The following KIF14 variants were observed in gnomAD, a reference collection of about 807,000 sequenced individuals.
KIF14 encodes the protein kinesin-like protein KIF14.
In KIF14, 98 loss-of-function variants were observed where a neutral mutation model predicts 176.2. That is an observed-to-expected ratio of 0.56 (90% confidence interval 0.47 to 0.66). KIF14 has a LOEUF of 0.66. Ranked by LOEUF, KIF14 falls within the 30% of genes least tolerant of loss-of-function variation. The pLI is 0.00. For missense variants in KIF14, 1,751 were observed against 1,920.4 expected, an observed-to-expected ratio of 0.91 and a Z score of 1.65; for synonymous variants, 566 against 632.2, an observed-to-expected ratio of 0.90 and a Z score of 1.57.
intron 14 of KIF14, among the ~76,000 whole-genome samples, chr1:200,595,463 G>C (rs1008094443): frequency 1.3e-5 from 2 of 152,156 alleles, no homozygotes; most frequent in East Asian, 3.8e-4. Flanking sequence ...AGGAAGGTAC[G>C]AAAAATGGAA....
In KIF14 at chr1:200,603,298, A is replaced by G. The variant is rs1186991634; in HGVS notation, c.1907T>C (p.Val636Ala). The G allele has an allele frequency of 6.2e-7, 1 of 1,609,642 alleles. No homozygotes were observed. The highest frequency in any genetic ancestry group is 8.5e-7 in the Non-Finnish European group (1 of 1,176,998). Reference protein sequence around the residue: ...INKSLLTLGKVISALSEQANQ... With the variant: ...INKSLLTLGKAISALSEQANQ... Reference sequence around the variant, plus strand: ...TGCTTGTTCCGAAAGTGCAGATATAACTTTTCCCAAAGTTAGCAAGGACTT... The same window carrying G: ...TGCTTGTTCCGAAAGTGCAGATATAGCTTTTCCCAAAGTTAGCAAGGACTT... Residue 636 changes from valine to alanine, a missense_variant, in exon 10 of 30, where the codon GTT becomes GCT. Val to Ala is a moderately conservative substitution (Grantham distance 64). Coordinates refer to ENST00000367350, the MANE Select transcript of KIF14 (RefSeq NM_014875.3).
intron 21 of KIF14, 90 bp downstream of exon 21, chr1:200,580,164 A>G: frequency 4.6e-6 from 3 of 655,298 alleles, no homozygotes; most frequent in East Asian, 7.3e-5. Flanking sequence ...TCACTTTTAT[A>G]TATATACTTT....
chr1:200,583,344 G>C (rs1251278251), intron 19 of KIF14, among the ~76,000 whole-genome samples: 2 of 152,086 alleles, frequency 1.3e-5, no homozygotes, highest in Non-Finnish European at 2.9e-5. Flanking sequence ...GAGAAAGAGA[G>C]AGAGGGAGAG....
chr1:200,569,682 C>T lies in KIF14; in HGVS notation c.3661+229G>A, dbSNP rs1222497689. ...ATATTCTCATACATTTTGGAACATA[C>T]ACATCTTCCACATTTGAATTAGTTA... On this transcript the variant is annotated intron_variant, in intron 23 of 29. Coordinates refer to ENST00000367350, the MANE Select transcript of KIF14 (RefSeq NM_014875.3). Among the ~76,000 whole-genome samples the T allele has an allele frequency of 3.9e-5, 6 of 152,318 alleles. No homozygotes were observed. In the East Asian group the frequency reaches 9.6e-4, roughly 24 times the overall value.
intron 18 of KIF14, among the ~76,000 whole-genome samples, chr1:200,587,812 A>C (rs1257834119): frequency 6.6e-6 from 1 of 152,198 alleles, no homozygotes; most frequent in Non-Finnish European, 1.5e-5. Context: ...TCCGTCTCAA[A>C]ATAAAACAAA....
At position 200,616,798 on chromosome 1, in the gene KIF14, G is replaced by A. The variant is rs553366662; in HGVS notation, c.1112+814C>T. Among the ~76,000 whole-genome samples, 5 of 152,132 alleles carry A rather than the reference G, an allele frequency of 3.3e-5. No homozygotes were observed. The East Asian group carries it at 9.7e-4, about 29-fold the overall frequency. ...TCTTTTCCAACCTTATCTTTAATCT[G>A]TGTCTTCCCCACCCACAACCACTTT... On this transcript the variant is annotated intron_variant, in intron 2 of 29. Coordinates refer to ENST00000367350, the MANE Select transcript of KIF14 (RefSeq NM_014875.3).
intron 14 of KIF14, among the ~76,000 whole-genome samples, chr1:200,597,939 T>C (rs567214485): frequency 7.2e-5 from 11 of 152,182 alleles, no homozygotes; most frequent in Admixed American, 1.3e-4. Context: ...TTATGTAAGA[T>C]AGATAGTTTA....
At position 200,615,441 on chromosome 1, in the gene KIF14, T is replaced by C; in HGVS notation, c.1281A>G (p.Leu427=). Residue 427 remains leucine (L), a synonymous_variant, in exon 3 of 30, where the codon CTA becomes CTG. Transcript: ENST00000367350. ...YASQTTVYEK[L]AAPLLERAFE... ...AGGCTCTTTCTAGGAGTGGTGCTGC[T>C]AGCTTCTCATAGACAGTTGTCTGGC... 1 of 1,614,126 alleles carries C rather than the reference T, an allele frequency of 6.2e-7. No homozygotes were observed. Among genetic ancestry groups the C allele is most frequent in the Non-Finnish European group, 8.5e-7 (1 of 1,179,962 alleles).
At position 200,602,086 on chromosome 1, in the gene KIF14, A is replaced by G. The variant is rs769205721; in HGVS notation, c.1980-18T>C. The G allele has an allele frequency of 3.7e-5, 59 of 1,603,566 alleles. No homozygotes were observed. The highest frequency in any genetic ancestry group is 4.4e-5 in the Non-Finnish European group (52 of 1,176,424). On this transcript the variant is annotated intron_variant, in intron 10 of 29. Coordinates refer to ENST00000367350, the MANE Select transcript of KIF14 (RefSeq NM_014875.3). ...TTAACAGCCTACAAGAAAAAAAGTC[A>G]TAAGACTTTGCTTCTACAACAACTT...
In KIF14 at chr1:200,615,501, G is replaced by A. The variant is rs1394290001; in HGVS notation, c.1221C>T (p.Phe407=). The A allele has an allele frequency of 6.2e-7, 1 of 1,613,980 alleles. No individual in the cohort carries two copies. Among genetic ancestry groups the A allele is most frequent in the African/African-American group, 1.3e-5 (1 of 75,008 alleles). Residue 407 remains phenylalanine, a synonymous_variant, in exon 3 of 30, where the codon TTC becomes TTT. Coordinates refer to ENST00000367350, the MANE Select transcript of KIF14 (RefSeq NM_014875.3). ...QVYNFIYDVS[F]WSFDECHPHY... ...GAGGATGACATTCATCAAAAGACCA[G>A]AATGAAACATCATAAATAAAATTAT...
At chr1:200,556,680 A>G (rs1656845815) in intron 27 of KIF14, among the ~76,000 whole-genome samples, 1 of 152,236 alleles carries the variant, frequency 6.6e-6, no homozygotes, top group Non-Finnish European at 1.5e-5. Context: ...TATTTCATCT[A>G]TATTTTTCAT....
chr1:200,601,084 T>C (rs1659602185), intron 11 of KIF14, among the ~76,000 whole-genome samples: 2 of 152,156 alleles, frequency 1.3e-5, no homozygotes, highest in East Asian at 3.8e-4. Context: ...GGTTTCCCCA[T>C]GTTGGCCAGG....
chr1:200,585,362 G>C (rs1658679187), intron 19 of KIF14, among the ~76,000 whole-genome samples: 1 of 151,256 alleles, frequency 6.6e-6, no homozygotes, highest in Admixed American at 6.6e-5. Context: ...ATTTTTATTT[G>C]TTAATTACAT....
intron 8 of KIF14, among the ~76,000 whole-genome samples, chr1:200,604,995 T>C (rs1659802497): frequency 6.6e-6 from 1 of 152,180 alleles, no homozygotes; most frequent in Non-Finnish European, 1.5e-5. Context: ...CCATAAGTCA[T>C]TTGGTCATTG....
At chr1:200,559,758 T>C (rs1657029069) in intron 26 of KIF14, among the ~76,000 whole-genome samples, 2 of 108,252 alleles carry the variant, frequency 1.8e-5, no homozygotes, top group South Asian at 4.5e-4. Context: ...AGTAACATTC[T>C]TTTTTTTTTT....
At chr1:200,567,848 GA>G (rs540152522) in intron 23 of KIF14, among the ~76,000 whole-genome samples, 3,622 of 130,656 alleles carry the variant, frequency 0.028, 48 homozygotes, top group Non-Finnish European at 0.04. Context: ...TTTGTAAAGA[GA>G]AAAAAAAAAA....
intron 21 of KIF14, among the ~76,000 whole-genome samples, chr1:200,578,020 A>G (rs1171876665): frequency 6.6e-6 from 1 of 151,284 alleles, no homozygotes; most frequent in East Asian, 1.9e-4. Flanking sequence ...TTATTCACCT[A>G]TGAAGTCAAC....
At chr1:200,564,176 C>T (rs1242013795) in intron 25 of KIF14, among the ~76,000 whole-genome samples, 1 of 115,822 alleles carries the variant, frequency 8.6e-6, no homozygotes, top group Non-Finnish European at 1.9e-5. Flanking sequence ...GCAGGAGAAT[C>T]GCTTGAACCC....
chr1:200,582,886 T>C (rs1052097872), intron 19 of KIF14, among the ~76,000 whole-genome samples: 1 of 151,982 alleles, frequency 6.6e-6, no homozygotes, highest in Non-Finnish European at 1.5e-5. Context: ...AGTATTAATA[T>C]TTTAAAAGTT....
Sources: gnomAD v4.1 joint callset for allele counts (sites outside exome capture counted in the v4.1 genomes callset) on GRCh38, gnomAD v4.1.1 for gene constraint, MANE v1.5 for transcripts, NCBI Gene and HGNC (gene_info 2026-07-23, HGNC 2026-07-21) for gene names.